CCDC146: variants seen among roughly 807,000 people sequenced by gnomAD.
CCDC146 encodes the protein coiled-coil domain containing 146.
In CCDC146, 92 loss-of-function variants were observed where a neutral mutation model predicts 119.3. The ratio of observed to expected loss-of-function variants is 0.77; its 90% confidence interval spans 0.65 to 0.92. The LOEUF is 0.92. Among genes scored for constraint, CCDC146 ranks in the 40% least tolerant of loss-of-function variants. The pLI is 0.00. For missense variants in CCDC146, 1,000 were observed against 1,103.0 expected (o/e 0.91, Z 1.32); for synonymous variants, 372 against 371.8 (o/e 1.00, Z -0.01).
At chr7:77,250,721 A>T (rs908690064) in intron 4 of CCDC146, among the ~76,000 whole-genome samples, 1 of 152,036 alleles carries the variant, frequency 6.6e-6, no homozygotes, top group Non-Finnish European at 1.5e-5. Context: ...TTATTGCTTC[A>T]GGAATTTCTC....
At chr7:77,259,142 C>A in intron 7 of CCDC146, 74 bp downstream of exon 7, 1 of 828,752 alleles carries the variant, frequency 1.2e-6, no homozygotes, top group Non-Finnish European at 2.0e-6. Flanking sequence ...AGAGTACTAA[C>A]CATTGGACAC....
chr7:77,175,706 T>C (rs1275165204), intron 2 of CCDC146, among the ~76,000 whole-genome samples: 2 of 151,334 alleles, frequency 1.3e-5, no homozygotes, highest in African/African-American at 4.9e-5. Flanking sequence ...TTAATCTATT[T>C]AAAAGATAAA....
intron 15 of CCDC146, among the ~76,000 whole-genome samples, chr7:77,285,307 G>A (rs1584147229): frequency 6.6e-6 from 1 of 152,000 alleles, no homozygotes; most frequent in African/African-American, 2.4e-5. Flanking sequence ...TAAGAAAAGG[G>A]AACATTAAGT....
At chr7:77,130,661 C>G (rs1410322194) in intron 1 of CCDC146, among the ~76,000 whole-genome samples, 1 of 145,798 alleles carries the variant, frequency 6.9e-6, no homozygotes, top group Non-Finnish European at 1.5e-5. Flanking sequence ...TGCAGTGGCG[C>G]GATCTCGACT....
At chr7:77,277,943 C>T (rs1291662799) in intron 11 of CCDC146, among the ~76,000 whole-genome samples, 3 of 152,158 alleles carry the variant, frequency 2.0e-5, no homozygotes, top group East Asian at 3.8e-4. Flanking sequence ...GTATTTAGCA[C>T]TTGATATATT....
At chr7:77,224,597 A>G (rs533483712) in intron 2 of CCDC146, among the ~76,000 whole-genome samples, 2 of 152,288 alleles carry the variant, frequency 1.3e-5, no homozygotes, top group East Asian at 3.9e-4. Flanking sequence ...GATGCGGGAG[A>G]TTATTCTACC....
chr7:77,225,601 A>T (rs1331727835), intron 2 of CCDC146, among the ~76,000 whole-genome samples: 1 of 151,500 alleles, frequency 6.6e-6, no homozygotes, highest in Non-Finnish European at 1.5e-5. Flanking sequence ...AACAAAATCC[A>T]CTTGACTTGT....
At chr7:77,190,181 T>A (rs1166058071) in intron 2 of CCDC146, among the ~76,000 whole-genome samples, 1 of 152,244 alleles carries the variant, frequency 6.6e-6, no homozygotes, top group Non-Finnish European at 1.5e-5. Context: ...TTCTCAACTT[T>A]AGTTACCATG....
At chr7:77,130,953 G>T (rs1790778010) in intron 1 of CCDC146, among the ~76,000 whole-genome samples, 1 of 150,242 alleles carries the variant, frequency 6.7e-6, no homozygotes, top group Admixed American at 6.6e-5. Context: ...GTGCAATGGC[G>T]CAATCTCGGC....
chr7:77,203,031 G>GCC (rs35529684), intron 2 of CCDC146, among the ~76,000 whole-genome samples: 4 of 107,288 alleles, frequency 3.7e-5, no homozygotes, highest in Admixed American at 1.0e-4. Context: ...TAAAATACTT[G>GCC]CCCCCCCCCC....
At chr7:77,227,125 T>C (rs996902340) in intron 2 of CCDC146, among the ~76,000 whole-genome samples, 1 of 152,192 alleles carries the variant, frequency 6.6e-6, no homozygotes, top group African/African-American at 2.4e-5. Flanking sequence ...TGCAAGAACA[T>C]ATTCAGGTGT....
intron 2 of CCDC146, among the ~76,000 whole-genome samples, chr7:77,178,490 A>T (rs1382036607): frequency 6.6e-6 from 1 of 152,182 alleles, no homozygotes; most frequent in Non-Finnish European, 1.5e-5. Flanking sequence ...TCAGTGGCCC[A>T]TCTGTCCCTC....
intron 2 of CCDC146, among the ~76,000 whole-genome samples, chr7:77,208,670 A>G (rs1792123317): frequency 6.6e-6 from 1 of 152,144 alleles, no homozygotes; most frequent in Non-Finnish European, 1.5e-5. Flanking sequence ...TTGTCTTTTA[A>G]CCTACTTCCC....
At chr7:77,294,466 GTGTGTGT>G (rs1794008417) in intron 18 of CCDC146, among the ~76,000 whole-genome samples, 190 bp from the exon 19 acceptor site, 6 of 57,588 alleles carry the variant, frequency 1.0e-4, no homozygotes, top group Non-Finnish European at 1.9e-4. Flanking sequence ...AGAGGTAGGT[GTGTGTGT>G]GTGTGTGTGT....
intron 2 of CCDC146, among the ~76,000 whole-genome samples, chr7:77,235,684 C>G (rs1792720800): frequency 6.6e-6 from 1 of 152,166 alleles, no homozygotes; most frequent in Non-Finnish European, 1.5e-5. Flanking sequence ...GGCAGAAGGG[C>G]AGTTAGGAGG....
intron 2 of CCDC146, among the ~76,000 whole-genome samples, chr7:77,183,664 G>A (rs978891073): frequency 6.6e-6 from 1 of 152,130 alleles, no homozygotes; most frequent in Admixed American, 6.5e-5. Flanking sequence ...CTTTTCTCCT[G>A]AAGCATCTCC....
At chr7:77,272,281 T>C (rs547343803) in intron 9 of CCDC146, among the ~76,000 whole-genome samples, 1 of 152,316 alleles carries the variant, frequency 6.6e-6, no homozygotes, top group East Asian at 1.9e-4. Flanking sequence ...CTAAGTCCAG[T>C]GTGTGCATCT....
rs1161251894 is a variant in CCDC146 at position 77,282,574 on chromosome 7, A to T, written c.1937A>T (p.Glu646Val). The T allele has an allele frequency of 4.4e-6, 7 of 1,607,718 alleles. No homozygotes were observed. The highest frequency in any genetic ancestry group is 5.9e-6 in the Non-Finnish European group (7 of 1,176,734). The change falls in exon 15 of 19, where the codon GAG becomes GTG. Residue 646 changes from glutamate to valine, a missense_variant. By Grantham distance (121) the Glu-to-Val change is moderately radical. Transcript: ENST00000285871. ...GACCATAGTGGCGTTCAGCTGATAG[A>T]GCGGGAAGAAGAAATATGCATTTTT... is the stretch of plus-strand genomic sequence containing the variant. ...HRNESGVQLI[E>V]REEEICIFYE...
intron 11 of CCDC146, among the ~76,000 whole-genome samples, chr7:77,276,986 C>T (rs887730509): frequency 6.6e-6 from 1 of 152,104 alleles, no homozygotes; most frequent in Non-Finnish European, 1.5e-5. Context: ...GCATGAGAAT[C>T]GCTTGAACCC....
Sources: allele counts gnomAD v4.1 joint callset (sites outside exome capture counted in the v4.1 genomes callset), GRCh38; gene constraint gnomAD v4.1.1; transcripts MANE v1.5; gene names NCBI Gene and HGNC (gene_info 2026-07-23, HGNC 2026-07-21).